Variants in COX6C observed in about 807,000 individuals in gnomAD.
COX6C encodes the protein cytochrome c oxidase subunit 6C.
Under a neutral mutation model 6.9 loss-of-function variants are expected in COX6C, and 3 were observed. The ratio of observed to expected loss-of-function variants is 0.43; its 90% confidence interval spans 0.20 to 1.12. The LOEUF (loss-of-function observed/expected upper bound fraction) is 1.12, where lower values mean the gene tolerates loss of function less well. Ranked by LOEUF, COX6C falls within the 50% of genes most tolerant of loss-of-function variation. The probability of loss-of-function intolerance (pLI) is 0.27; values close to 1 mark genes in which losing one functional copy is unlikely to be tolerated. For synonymous variants in COX6C, 32 were observed against 32.0 expected (o/e 1.00, Z 0.00); for missense variants, 101 against 97.3 (o/e 1.04, Z -0.16).
At chr8:99,885,593 T>C (rs1039997999) in intron 3 of COX6C, among the ~76,000 whole-genome samples, 1 of 152,214 alleles carries the variant, frequency 6.6e-6, no homozygotes, top group African/African-American at 2.4e-5. Context: ...GAAAACTGGA[T>C]ACCACATGTA....
chr8:99,880,776 AG>A (rs1817849650), intron 3 of COX6C, among the ~76,000 whole-genome samples: 1 of 152,154 alleles, frequency 6.6e-6, no homozygotes. Flanking sequence ...GACTATACCA[AG>A]CAGACCAATA....
chr8:99,886,111 C>G (rs1382986082), intron 3 of COX6C: 2 of 152,192 alleles, frequency 1.3e-5, no homozygotes, highest in African/African-American at 4.8e-5. Flanking sequence ...AAAATTATGC[C>G]AGGCACAGTG....
chr8:99,888,416 C>CA (rs1284301221), intron 2 of COX6C, among the ~76,000 whole-genome samples: 2 of 151,796 alleles, frequency 1.3e-5, no homozygotes, highest in Non-Finnish European at 2.9e-5. Flanking sequence ...ACTAAAAATA[C>CA]AAAAATTAGC....
At chr8:99,886,436 G>C (rs1183061626) in intron 3 of COX6C, 1 of 151,826 alleles carries the variant, frequency 6.6e-6, no homozygotes, top group Non-Finnish European at 1.5e-5. Context: ...GTGTAAAATG[G>C]TGCAGCCACT....
At chr8:99,881,556 GTTGTT>G (rs1241367798) in intron 3 of COX6C, among the ~76,000 whole-genome samples, 12 of 152,108 alleles carry the variant, frequency 7.9e-5, no homozygotes, top group Admixed American at 6.5e-4. Flanking sequence ...TGCAATTGAG[GTTGTT>G]TTAAGTTTAA....
chr8:99,889,901 C>T (rs1442169981), intron 2 of COX6C, among the ~76,000 whole-genome samples: 1 of 151,682 alleles, frequency 6.6e-6, no homozygotes, highest in Non-Finnish European at 1.5e-5. Context: ...ACCATCCTGG[C>T]TAACACGGTG....
chr8:99,880,735 G>GA (rs959934005), intron 3 of COX6C, among the ~76,000 whole-genome samples: 6 of 144,640 alleles, frequency 4.1e-5, no homozygotes, highest in South Asian at 4.4e-4. Flanking sequence ...AGTCTGAAGA[G>GA]AAAAAAAAAA....
At position 99,891,626 on chromosome 8, in the gene COX6C, C is replaced by T. The variant is rs569809873; in HGVS notation, c.114+282G>A. Among the ~76,000 whole-genome samples the T allele has an allele frequency of 1.2e-4, 18 of 152,304 alleles. No homozygotes were observed. In the South Asian group the frequency reaches 3.5e-3, roughly 30 times the overall value. On this transcript the variant is annotated intron_variant, in intron 2 of 3. Transcript: ENST00000520468. ...GAAGACAAAGGGAGCCATCTACAAG[C>T]CAACAGAGGCCTCAGAAGATATCAA...
At chr8:99,883,877 A>ATG (rs1817905789) in intron 3 of COX6C, among the ~76,000 whole-genome samples, 1 of 152,210 alleles carries the variant, frequency 6.6e-6, no homozygotes, top group Non-Finnish European at 1.5e-5. Context: ...AAATCAATAG[A>ATG]TGTGACATAC....
At chr8:99,883,453 G>GTGTA (rs34497336) in intron 3 of COX6C, among the ~76,000 whole-genome samples, 58 of 135,190 alleles carry the variant, frequency 4.3e-4, no homozygotes, top group South Asian at 9.1e-4. Context: ...GTGTGTGTGT[G>GTGTA]TATATATATA....
intron 3 of COX6C, among the ~76,000 whole-genome samples, chr8:99,879,326 G>A (rs1390292636): frequency 6.6e-6 from 1 of 152,162 alleles, no homozygotes; most frequent in Non-Finnish European, 1.5e-5. Context: ...CTAGTCACTC[G>A]TGGACACCCA....
Position 99,878,137 on chromosome 8 carries a change from T to TA in COX6C, c.*143dup, listed in dbSNP as rs1378508411. On this transcript the variant is annotated 3_prime_UTR_variant, in exon 4 of 4. Coordinates refer to ENST00000520468, the MANE Select transcript of COX6C (RefSeq NM_004374.4). ...TTATCATTAAGAACTGAGAAAGACT[T>TA]ACTGTCCAAAGTATTTGTTAATTGT... The TA allele has an allele frequency of 6.6e-6, 1 of 152,216 alleles. No homozygotes were observed. The highest frequency in any genetic ancestry group is 1.9e-4 in the East Asian group (1 of 5,202). The allele number at this position is 152,216 out of a possible 1,614,324, so 9.4% of individuals were successfully genotyped here. A position where few individuals can be genotyped will look rare whatever the true frequency, so the allele number is the denominator to read the frequency against.
intron 1 of COX6C, among the ~76,000 whole-genome samples, chr8:99,892,636 C>T (rs1190857604): frequency 2.6e-5 from 4 of 152,142 alleles, no homozygotes; most frequent in Non-Finnish European, 4.4e-5. Context: ...TGGATTCCTC[C>T]CACAAAGCCT....
intron 3 of COX6C, among the ~76,000 whole-genome samples, chr8:99,884,476 T>TA (rs1054981457): frequency 6.6e-5 from 10 of 152,114 alleles, no homozygotes; most frequent in African/African-American, 1.4e-4. Context: ...TGTATACTGC[T>TA]AAAAAAATTA....
intron 3 of COX6C, among the ~76,000 whole-genome samples, chr8:99,883,238 G>T (rs2131003766): frequency 6.6e-6 from 1 of 151,634 alleles, no homozygotes; most frequent in South Asian, 2.1e-4. Flanking sequence ...TTTGAGACAG[G>T]GTCTCATATT....
At chr8:99,889,683 T>C (rs1405707214) in intron 2 of COX6C, among the ~76,000 whole-genome samples, 31 of 151,386 alleles carry the variant, frequency 2.0e-4, no homozygotes. Context: ...CCACTGTACC[T>C]GGCCTCGCCT....
intron 3 of COX6C, among the ~76,000 whole-genome samples, chr8:99,879,876 G>C (rs1817832796): frequency 6.6e-6 from 1 of 152,194 alleles, no homozygotes; most frequent in Non-Finnish European, 1.5e-5. Flanking sequence ...TGAAAGCAAT[G>C]ATGGGTACCA....
At chr8:99,888,368 G>C (rs141372629) in intron 2 of COX6C, among the ~76,000 whole-genome samples, 2,534 of 152,024 alleles carry the variant, frequency 0.017, 67 homozygotes, top group African/African-American at 0.058. Flanking sequence ...GTCAGGAATT[G>C]GAGACCAGCC....
chr8:99,892,233 C>A (rs1818066327), intron 1 of COX6C, among the ~76,000 whole-genome samples, 181 bp from the exon 2 acceptor site: 1 of 152,184 alleles, frequency 6.6e-6, no homozygotes, highest in Non-Finnish European at 1.5e-5. Context: ...CCAGGCTGGT[C>A]TTAAACTCCT....
Sources: gnomAD v4.1 joint callset for allele counts (sites outside exome capture counted in the v4.1 genomes callset) on GRCh38, gnomAD v4.1.1 for gene constraint, MANE v1.5 for transcripts, NCBI Gene and HGNC (gene_info 2026-07-23, HGNC 2026-07-21) for gene names.